HIPK3: variants seen among roughly 807,000 people sequenced by gnomAD.
The protein encoded by HIPK3 is homeodomain interacting protein kinase 3, also known as homeodomain-interacting protein kinase 3.
Under a neutral mutation model 124.2 loss-of-function variants are expected in HIPK3, and 47 were observed. The observed-to-expected ratio is 0.38, with a 90% CI of 0.30 to 0.48. HIPK3 has a LOEUF of 0.48. HIPK3 is among the 20% of genes least tolerant of loss of function. The probability of loss-of-function intolerance (pLI) is 0.98; values close to 1 mark genes in which losing one functional copy is unlikely to be tolerated. For missense variants in HIPK3, 1,286 were observed against 1,454.3 expected, an observed-to-expected ratio of 0.88 and a Z score of 1.88; for synonymous variants, 482 against 515.2, an observed-to-expected ratio of 0.94 and a Z score of 0.87.
intron 2 of HIPK3, among the ~76,000 whole-genome samples, chr11:33,301,821 GACACACACACAC>G (rs143389257): frequency 2.4e-5 from 3 of 127,466 alleles, no homozygotes; most frequent in Non-Finnish European, 5.0e-5. Flanking sequence ...AACCCTGTCT[GACACACACACAC>G]ACACACACAC....
intron 5 of HIPK3, among the ~76,000 whole-genome samples, chr11:33,339,127 T>C (rs1260803546): frequency 6.6e-6 from 1 of 152,278 alleles, no homozygotes; most frequent in Non-Finnish European, 1.5e-5. Context: ...GAAATGGATA[T>C]TTGTTTAATT....
At position 33,328,531 on chromosome 11, in the gene HIPK3, G is replaced by A; in HGVS notation, c.1119G>A (p.Gly373=). 1 of 1,613,352 alleles carries A rather than the reference G, an allele frequency of 6.2e-7. No individual in the cohort carries two copies. The highest frequency in any genetic ancestry group is 1.1e-5 in the South Asian group (1 of 91,006). ...RYYRAPEIIL[G]LPFCEAIDMW... ...TCAGAGCTCCAGAGATTATATTGGG[G>A]TTGCCATTTTGTGAAGCCATAGACA... The change falls in exon 3 of 17, where the codon GGG becomes GGA. Residue 373 remains glycine (G), a synonymous_variant. Transcript: ENST00000303296.
At position 33,275,354 on chromosome 11, in the gene HIPK3, A is replaced by G. The variant is rs189646979; in HGVS notation, c.-2-11059A>G. Among the ~76,000 whole-genome samples, 1,084 of 152,204 alleles carry G rather than the reference A, an allele frequency of 7.1e-3. 6 individuals carry two copies. Among genetic ancestry groups the G allele is most frequent in the Non-Finnish European group, 8.8e-3 (596 of 67,988 alleles). On this transcript the variant is annotated intron_variant, in intron 1 of 16. Coordinates refer to ENST00000303296, the MANE Select transcript of HIPK3 (RefSeq NM_005734.5). ...TGCCCAGCCAATGAAATGGTTTAGT[A>G]TTATTTCCTGGATTGAATGCTGGTA...
intron 12 of HIPK3, 44 bp from the exon 13 acceptor site, chr11:33,348,478 C>T: frequency 6.9e-7 from 1 of 1,452,326 alleles, no homozygotes; most frequent in East Asian, 2.4e-5. Flanking sequence ...ATTGATTATA[C>T]ATATTTTGAT....
chr11:33,309,382 T>C (rs1852257983), intron 2 of HIPK3, among the ~76,000 whole-genome samples: 1 of 152,226 alleles, frequency 6.6e-6, no homozygotes, highest in Non-Finnish European at 1.5e-5. Context: ...CCCAAAGTGT[T>C]GGGATTACAG....
chr11:33,266,044 G>A, intron 1 of HIPK3, among the ~76,000 whole-genome samples: 1 of 140,550 alleles, frequency 7.1e-6, no homozygotes, highest in Non-Finnish European at 1.5e-5. Flanking sequence ...GGGCGACAGA[G>A]TGAGACTCCA....
chr11:33,323,323 A>T (rs1852718324), intron 2 of HIPK3, among the ~76,000 whole-genome samples: 1 of 152,154 alleles, frequency 6.6e-6, no homozygotes, highest in East Asian at 1.9e-4. Flanking sequence ...GGCTCACTGC[A>T]ACCTTTGCCT....
At chr11:33,352,799 C>T (rs1424252708) in intron 16 of HIPK3, among the ~76,000 whole-genome samples, 1 of 152,074 alleles carries the variant, frequency 6.6e-6, no homozygotes, top group Admixed American at 6.6e-5. Context: ...ATAAGAAGTG[C>T]TCCACAAATG....
intron 2 of HIPK3, among the ~76,000 whole-genome samples, chr11:33,304,072 C>A (rs1852082004): frequency 6.6e-6 from 1 of 152,096 alleles, no homozygotes; most frequent in African/African-American, 2.4e-5. Context: ...TCCCAAGTAG[C>A]TGGGACTACA....
At chr11:33,340,062 A>C (rs1318994784) in intron 6 of HIPK3, among the ~76,000 whole-genome samples, 1 of 151,972 alleles carries the variant, frequency 6.6e-6, no homozygotes, top group Non-Finnish European at 1.5e-5. Flanking sequence ...AAATATTACA[A>C]ATTCTTTGTG....
chr11:33,353,968 G>C lies in HIPK3; in HGVS notation c.*400G>C. The C allele has an allele frequency of 5.6e-6, 1 of 179,342 alleles. No individual in the cohort carries two copies. Among genetic ancestry groups the C allele is most frequent in the South Asian group, 1.3e-4 (1 of 7,654 alleles). 11.1% of individuals were successfully genotyped at this position (179,342 alleles called of 1,614,324 possible). A position where few individuals can be genotyped will look rare whatever the true frequency, so the allele number is the denominator to read the frequency against. ...TGAATTGTATTATCCGTGTCTTAGT[G>C]TATAAATGTTGGGTCACTTACCTAA... On this transcript the variant is annotated 3_prime_UTR_variant, in exon 17 of 17. Coordinates refer to ENST00000303296, the MANE Select transcript of HIPK3 (RefSeq NM_005734.5).
At chr11:33,328,479 C>T (rs779410675) in intron 2 of HIPK3, 31 bp from the exon 3 acceptor site, 1 of 1,604,148 alleles carries the variant, frequency 6.2e-7, no homozygotes, top group Admixed American at 1.7e-5. Context: ...AGAAAAACCA[C>T]CCTGATTTTT....
At chr11:33,257,989 G>A in intron 1 of HIPK3, 100 bp downstream of exon 1, 7 of 926,940 alleles carry the variant, frequency 7.6e-6, no homozygotes, top group Non-Finnish European at 9.0e-6. Flanking sequence ...ACCCGGGCCT[G>A]GCCCGACACC....
intron 8 of HIPK3, among the ~76,000 whole-genome samples, chr11:33,345,975 T>C (rs1479835756): frequency 6.6e-6 from 1 of 152,206 alleles, no homozygotes; most frequent in Non-Finnish European, 1.5e-5. Flanking sequence ...ACACTCAACA[T>C]CACATTTATC....
In HIPK3 at chr11:33,348,756, T is replaced by G; in HGVS notation, c.2604T>G (p.Ser868Arg). The G allele has an allele frequency of 6.2e-7, 1 of 1,614,094 alleles. No homozygotes were observed. The highest frequency in any genetic ancestry group is 1.1e-5 in the South Asian group (1 of 91,080). ...IIADSPSPAV[S>R]VITISSDTDE... The stretch of plus-strand genomic sequence containing the variant: ...CCGACTCCCCGAGTCCTGCAGTGAG[T>G]GTCATCACTATCAGCAGTGACACTG... Residue 868 changes from serine to arginine, a missense_variant, in exon 13 of 17, where the codon AGT becomes AGG. Around this residue, in one of 3 missense-constraint regions of HIPK3, gnomAD observed 810 missense variants for 864.9 expected, o/e 0.94. Coordinates refer to ENST00000303296, the MANE Select transcript of HIPK3 (RefSeq NM_005734.5).
At chr11:33,330,489 C>T (rs991010063) in intron 3 of HIPK3, among the ~76,000 whole-genome samples, 2 of 152,010 alleles carry the variant, frequency 1.3e-5, no homozygotes, top group African/African-American at 2.4e-5. Flanking sequence ...CCACCATGCC[C>T]GGCCAATTTT....
intron 2 of HIPK3, among the ~76,000 whole-genome samples, chr11:33,303,331 GTC>G (rs1454934170): frequency 6.6e-6 from 1 of 152,162 alleles, no homozygotes; most frequent in Non-Finnish European, 1.5e-5. Flanking sequence ...AGGAAAAAAA[GTC>G]TGTACGTGTT....
Position 33,353,083 on chromosome 11 carries a change from TG to T in HIPK3, c.3172-8del. On this transcript the variant is annotated splice_polypyrimidine_tract_variant and splice_region_variant and intron_variant, in intron 16 of 16. Coordinates refer to ENST00000303296, the MANE Select transcript of HIPK3 (RefSeq NM_005734.5). ...TATTCAGTCATTTTTTTTTTTTCTT[TG>T]TGGATAGGTTCAGCACTTTGGATCT... is the stretch of plus-strand genomic sequence containing the variant. 1 of 1,532,166 alleles carries T rather than the reference TG, an allele frequency of 6.5e-7. No homozygotes were observed. Among genetic ancestry groups the T allele is most frequent in the African/African-American group, 1.4e-5 (1 of 71,844 alleles). The allele number at this position is 1,532,166 out of a possible 1,614,324, so 94.9% of individuals were successfully genotyped here. A position where few individuals can be genotyped will look rare whatever the true frequency, so the allele number is the denominator to read the frequency against.
chr11:33,302,601 C>G (rs1852037859), intron 2 of HIPK3, among the ~76,000 whole-genome samples: 2 of 152,116 alleles, frequency 1.3e-5, no homozygotes, highest in Non-Finnish European at 2.9e-5. Flanking sequence ...CTCCCAAGTG[C>G]TGGGATTACA....
Sources: allele counts gnomAD v4.1 joint callset (sites outside exome capture counted in the v4.1 genomes callset), GRCh38; gene constraint gnomAD v4.1.1; regional missense constraint gnomAD v4.1.1; transcripts MANE v1.5; gene names NCBI Gene and HGNC (gene_info 2026-07-23, HGNC 2026-07-21).